The following SAMTOR variants were observed in gnomAD, a reference collection of about 807,000 sequenced individuals.
The protein encoded by SAMTOR is S-adenosylmethionine sensor upstream of mTORC1, also known as UPF0532 protein C7orf60.
At chr7:112,912,539 A>G in the SAMTOR span, among the ~76,000 whole-genome samples, 65 of 152,244 alleles carry the variant, frequency 4.3e-4, no homozygotes, top group East Asian at 0.012. Context: ...AGAATTATCA[A>G]AAAGAGAAAA....
the SAMTOR span, among the ~76,000 whole-genome samples, chr7:112,938,620 A>G: frequency 0.03 from 4,639 of 152,326 alleles, 78 homozygotes; most frequent in African/African-American, 0.054. Context: ...AATGAGAACC[A>G]GTGGAAAGCT....
chr7:112,855,913 A>T, the SAMTOR span, among the ~76,000 whole-genome samples: 1 of 152,174 alleles, frequency 6.6e-6, no homozygotes, highest in Non-Finnish European at 1.5e-5. Flanking sequence ...GAGATTAAAA[A>T]AAAAAAACTT....
the SAMTOR span, among the ~76,000 whole-genome samples, chr7:112,851,674 G>A: frequency 6.6e-6 from 1 of 152,092 alleles, no homozygotes; most frequent in Non-Finnish European, 1.5e-5. Flanking sequence ...GGACTTAAAA[G>A]CTTCTGCACA....
chr7:112,939,648 TCTCCTGCTCCAGTTTCCG>T, the SAMTOR span: 1 of 1,613,864 alleles, frequency 6.2e-7, no homozygotes, highest in Non-Finnish European at 8.5e-7. Context: ...CCGGAGAGCT[TCTCCTGCTCCAGTTTCCG>T]CTCCTGCTCC....
At chr7:112,921,055 C>T in the SAMTOR span, among the ~76,000 whole-genome samples, 1 of 152,166 alleles carries the variant, frequency 6.6e-6, no homozygotes, top group Non-Finnish European at 1.5e-5. Context: ...CCATCCCCAT[C>T]AAGCTACCAA....
the SAMTOR span, among the ~76,000 whole-genome samples, chr7:112,925,879 T>A: frequency 6.8e-6 from 1 of 146,384 alleles, no homozygotes; most frequent in Non-Finnish European, 1.5e-5. Flanking sequence ...GAAACAGGAG[T>A]AAGGAAGTAG....
the SAMTOR span, among the ~76,000 whole-genome samples, chr7:112,846,161 TGCATGAGAGAAA>T: frequency 6.6e-6 from 1 of 150,846 alleles, no homozygotes. Flanking sequence ...TTTTTTTTTT[TGCATGAGAGAAA>T]CAATTCTTTT....
chr7:112,853,593 G>A, the SAMTOR span, among the ~76,000 whole-genome samples: 4 of 152,074 alleles, frequency 2.6e-5, no homozygotes, highest in East Asian at 1.9e-4. Context: ...TGCTTATTGA[G>A]TAAGAAAACC....
the SAMTOR span, among the ~76,000 whole-genome samples, chr7:112,887,505 T>C: frequency 6.6e-6 from 1 of 152,154 alleles, no homozygotes; most frequent in Non-Finnish European, 1.5e-5. Flanking sequence ...CAGGAACAGA[T>C]TGTAGAGAAC....
At chr7:112,901,879 G>A in the SAMTOR span, among the ~76,000 whole-genome samples, 1 of 152,170 alleles carries the variant, frequency 6.6e-6, no homozygotes, top group African/African-American at 2.4e-5. Context: ...TCAAAACTTG[G>A]AAGCAACCAA....
chr7:112,889,680 C>G, the SAMTOR span, among the ~76,000 whole-genome samples: 1 of 152,156 alleles, frequency 6.6e-6, no homozygotes, highest in South Asian at 2.1e-4. Context: ...ATAAGATCAT[C>G]AAAAACAACT....
chr7:112,828,558 CT>C, the SAMTOR span, among the ~76,000 whole-genome samples: 2 of 152,194 alleles, frequency 1.3e-5, no homozygotes, highest in Non-Finnish European at 2.9e-5. Flanking sequence ...CTCTGTAAAG[CT>C]CCTATCTTCA....
chr7:112,837,304 T>G, the SAMTOR span, among the ~76,000 whole-genome samples: 1 of 152,072 alleles, frequency 6.6e-6, no homozygotes, highest in Non-Finnish European at 1.5e-5. Flanking sequence ...GAAACTCTGC[T>G]GAAGTTGATC....
the SAMTOR span, among the ~76,000 whole-genome samples, chr7:112,841,675 C>A: frequency 6.6e-6 from 1 of 152,064 alleles, no homozygotes; most frequent in Non-Finnish European, 1.5e-5. Context: ...TGACTTCAAA[C>A]TATACTAGAA....
chr7:112,823,569 C>G, the SAMTOR span, among the ~76,000 whole-genome samples: 2 of 152,130 alleles, frequency 1.3e-5, no homozygotes, highest in Non-Finnish European at 2.9e-5. Context: ...TCCATATACA[C>G]CTGTTTATGG....
chr7:112,821,958 G>T, the SAMTOR span: 1 of 1,612,876 alleles, frequency 6.2e-7, no homozygotes. Flanking sequence ...TAACATTCCT[G>T]GGTAGTTCCT....
the SAMTOR span, among the ~76,000 whole-genome samples, chr7:112,843,132 C>T: frequency 6.6e-6 from 1 of 151,984 alleles, no homozygotes; most frequent in African/African-American, 2.4e-5. Context: ...ACCATGTGTA[C>T]CTTCTTCCTC....
chr7:112,913,674 A>AT, the SAMTOR span, among the ~76,000 whole-genome samples: 1 of 151,900 alleles, frequency 6.6e-6, no homozygotes, highest in Admixed American at 6.6e-5. Flanking sequence ...TCATTGCCTT[A>AT]TTTTCTACCT....
chr7:112,858,788 A>G, the SAMTOR span, among the ~76,000 whole-genome samples: 3 of 152,244 alleles, frequency 2.0e-5, no homozygotes, highest in African/African-American at 7.2e-5. Context: ...GTGGGAAGCC[A>G]GTATCAGAAC....
Sources: allele counts gnomAD v4.1 joint callset (sites outside exome capture counted in the v4.1 genomes callset), GRCh38; gene constraint gnomAD v4.1.1; transcripts MANE v1.5; gene names NCBI Gene and HGNC (gene_info 2026-07-23, HGNC 2026-07-21).